DIP2C: variants seen among roughly 807,000 people sequenced by gnomAD.
DIP2C encodes DIP2 acetate--CoA ligase C (putative).
In DIP2C, 33 loss-of-function variants were observed where a neutral mutation model predicts 192.4. The ratio of observed to expected loss-of-function variants is 0.17; its 90% CI spans 0.13 to 0.23. The LOEUF (loss-of-function observed/expected upper bound fraction) is 0.23, where lower values mean the gene tolerates loss of function less well. Ranked by LOEUF, DIP2C falls within the 10% of genes least tolerant of loss-of-function variation. The pLI is 1.00. For missense variants in DIP2C, 1,537 were observed against 2,110.1 expected (o/e 0.73, Z 5.32); for synonymous variants, 979 against 864.1 (o/e 1.13, Z -2.33).
chr10:419,184 G>A lies in DIP2C; in HGVS notation c.620C>T (p.Pro207Leu). 6.2e-7 allele frequency: 1 copy of A among 1,614,226 alleles called. No homozygotes were observed. Among genetic ancestry groups the A allele is most frequent in the South Asian group, 1.1e-5 (1 of 91,078 alleles). Reference sequence around the variant, plus strand: ...TGAGGTGTACGTGGTTACGTCAGGAGGTGCAGAATGATTTTCTGTAAAGAA... The same window carrying A: ...TGAGGTGTACGTGGTTACGTCAGGAAGTGCAGAATGATTTTCTGTAAAGAA... ...AQTHIENHSA[P>L]PDVTTYTSEH... is the part of the protein sequence containing the mutation. Residue 207 changes from proline to leucine, a missense_variant, in exon 6 of 37, where the codon CCT becomes CTT. This residue lies in a region of DIP2C where 473 missense variants were observed against 539.6 expected (regional missense o/e 0.88). Transcript: ENST00000280886.
At chr10:574,603 A>C (rs1466483580) in intron 1 of DIP2C, among the ~76,000 whole-genome samples, 1 of 152,170 alleles carries the variant, frequency 6.6e-6, no homozygotes, top group African/African-American at 2.4e-5. Context: ...TCATGGGAAA[A>C]CCGAAACATA....
intron 3 of DIP2C, among the ~76,000 whole-genome samples, chr10:464,332 T>G (rs1247709097): frequency 6.6e-6 from 1 of 151,496 alleles, no homozygotes; most frequent in Non-Finnish European, 1.5e-5. Context: ...TGGACAAAGG[T>G]TATGAACAGA....
intron 1 of DIP2C, among the ~76,000 whole-genome samples, chr10:491,815 T>C (rs948899481): frequency 2.6e-5 from 4 of 152,166 alleles, no homozygotes; most frequent in African/African-American, 9.7e-5. Flanking sequence ...GACGTCCAAG[T>C]TGATGGGAGG....
intron 1 of DIP2C, among the ~76,000 whole-genome samples, chr10:637,907 C>T (rs1331811763): frequency 6.6e-6 from 1 of 152,152 alleles, no homozygotes; most frequent in Non-Finnish European, 1.5e-5. Flanking sequence ...AGAGTCAGTC[C>T]AGAGCTTAAC....
intron 1 of DIP2C, among the ~76,000 whole-genome samples, chr10:688,565 C>T (rs1246754474): frequency 6.6e-6 from 1 of 150,614 alleles, no homozygotes; most frequent in African/African-American, 2.5e-5. Context: ...CCGGCCCACC[C>T]CCACCCCACC....
In DIP2C at chr10:276,448, T is replaced by C. The variant is rs550196442; in HGVS notation, c.*877A>G. The C allele has an allele frequency of 6.5e-6, 1 of 152,796 alleles. No homozygotes were observed. Among genetic ancestry groups the C allele is most frequent in the South Asian group, 2.1e-4 (1 of 4,832 alleles). 9.5% of individuals were successfully genotyped at this position (152,796 alleles called of 1,614,324 possible). Reference sequence around the variant, plus strand: ...AAAATCTCCTTTGTTCATTAGTGAATTTATATTTCATATATATATATTTGT... The same window carrying C: ...AAAATCTCCTTTGTTCATTAGTGAACTTATATTTCATATATATATATTTGT... On this transcript the variant is annotated 3_prime_UTR_variant, in exon 37 of 37. Transcript: ENST00000280886.
chr10:546,124 T>TA (rs146699780), intron 1 of DIP2C, among the ~76,000 whole-genome samples: 2 of 151,620 alleles, frequency 1.3e-5, no homozygotes, highest in Non-Finnish European at 2.9e-5. Context: ...TCTACTAAAA[T>TA]AATAAAAATT....
At chr10:566,861 C>T (rs2131499188) in intron 1 of DIP2C, among the ~76,000 whole-genome samples, 1 of 152,358 alleles carries the variant, frequency 6.6e-6, no homozygotes, top group African/African-American at 2.4e-5. Context: ...AGAGACATCT[C>T]ATCCACAGCA....
Position 369,731 on chromosome 10 carries a change from G to A in DIP2C, c.1992-98C>T, listed in dbSNP as rs1960733790. On this transcript the variant is annotated intron_variant, in intron 17 of 36. Coordinates refer to ENST00000280886, the MANE Select transcript of DIP2C (RefSeq NM_014974.3). ...CACATGCGGCAGGCTGGGCACCTCT[G>A]GGCACAGTGCTGGCACCCCAGGCAC... The A allele has an allele frequency of 1.9e-6, 3 of 1,592,260 alleles. No individual in the cohort carries two copies. The African/African-American group carries it at 4.0e-5, about 21-fold the overall frequency.
chr10:614,904 G>GC lies in DIP2C; in HGVS notation c.85+74589dup, dbSNP rs1388169152. On this transcript the variant is annotated intron_variant, in intron 1 of 36. Coordinates refer to ENST00000280886, the MANE Select transcript of DIP2C (RefSeq NM_014974.3). ...GGTGTGCATGGGAAGAACTGGGTTG[G>GC]CCCTGACACAAGCGTGACCCCCATG... Among the ~76,000 whole-genome samples the GC allele has an allele frequency of 2.0e-5, 3 of 152,122 alleles. No individual in the cohort carries two copies. The East Asian group carries it at 5.8e-4, about 29-fold the overall frequency.
rs201147064 is a variant in DIP2C at position 578,906 on chromosome 10, CCA to C, written c.86-92378_86-92377del. On this transcript the variant is annotated intron_variant, in intron 1 of 36. Coordinates refer to ENST00000280886, the MANE Select transcript of DIP2C (RefSeq NM_014974.3). ...GCATAGAGCATACACACATCCAGAT[CCA>C]CAGTGTGTGCACATAGGCACACTGT... Among the ~76,000 whole-genome samples, 1,006 of 151,982 alleles carry C rather than the reference CCA, an allele frequency of 6.6e-3. 8 individuals carry two copies. The highest frequency in any genetic ancestry group is 0.021 in the African/African-American group (867 of 41,402).
At chr10:653,021 A>G (rs528634820) in intron 1 of DIP2C, among the ~76,000 whole-genome samples, 63 of 152,230 alleles carry the variant, frequency 4.1e-4, no homozygotes, top group African/African-American at 1.4e-3. Flanking sequence ...ACATTGTCCA[A>G]CAACACTTCA....
rs369116116 is a variant in DIP2C, at chr10:384,015, C to T, written c.1876+12G>A. The T allele has an allele frequency of 1.3e-6, 2 of 1,542,548 alleles. No homozygotes were observed. Among genetic ancestry groups the T allele is most frequent in the Non-Finnish European group, 1.7e-6 (2 of 1,152,936 alleles). On this transcript the variant is annotated intron_variant, in intron 16 of 36. Transcript: ENST00000280886. ...CCCGCCTGCCTCACGAGATCACACG[C>T]TCCTCACTTACAGGGGTTCGCGCCG...
chr10:313,770 A>G (rs1956660100), intron 31 of DIP2C, among the ~76,000 whole-genome samples: 1 of 152,246 alleles, frequency 6.6e-6, no homozygotes. Context: ...TATATCAATT[A>G]GGTATTAAGT....
At chr10:582,210 GGGCTAAGCCCTACC>G (rs1362973975) in intron 1 of DIP2C, among the ~76,000 whole-genome samples, 1 of 152,172 alleles carries the variant, frequency 6.6e-6, no homozygotes, top group Admixed American at 6.5e-5. Flanking sequence ...CTGCAGCCCA[GGGCTAAGCCCTACC>G]GGCCAGCACC....
In DIP2C at chr10:652,989, A is replaced by G. The variant is rs1856041507; in HGVS notation, c.85+36505T>C. On this transcript the variant is annotated intron_variant, in intron 1 of 36. Coordinates refer to ENST00000280886, the MANE Select transcript of DIP2C (RefSeq NM_014974.3). This position sits in a 1 kb window ranked among gnomAD's most constrained non-coding sequence, Gnocchi z 4.5. ...CATCTCAAGGTGCCCCACGTCCCCA[A>G]AGACCAAGGGGTCACAGCTCCACAT... Among the ~76,000 whole-genome samples the G allele has an allele frequency of 6.6e-6, 1 of 152,006 alleles. No homozygotes were observed. Among genetic ancestry groups the G allele is most frequent in the African/African-American group, 2.4e-5 (1 of 41,360 alleles).
intron 34 of DIP2C, 67 bp from the exon 35 acceptor site, chr10:283,513 T>TAC (rs1256755377): frequency 6.4e-7 from 1 of 1,562,976 alleles, no homozygotes; most frequent in African/African-American, 1.4e-5. Flanking sequence ...AGACTACAAC[T>TAC]ACTTTGACAA....
At chr10:293,767 TCCAAAACCACAA>T (rs1255145412) in intron 32 of DIP2C, among the ~76,000 whole-genome samples, 2 of 152,040 alleles carry the variant, frequency 1.3e-5, no homozygotes, top group Non-Finnish European at 2.9e-5. Flanking sequence ...TGTTCACACA[TCCAAAACCACAA>T]ACAAAACCAA....
chr10:497,454 C>T (rs1360037056), intron 1 of DIP2C, among the ~76,000 whole-genome samples: 1 of 152,202 alleles, frequency 6.6e-6, no homozygotes, highest in Non-Finnish European at 1.5e-5. Flanking sequence ...TCTCTGTTGA[C>T]CAACTTCACA....
Sources: allele counts gnomAD v4.1 joint callset (sites outside exome capture counted in the v4.1 genomes callset), GRCh38; gene constraint gnomAD v4.1.1; regional missense constraint gnomAD v4.1.1; non-coding constraint Gnocchi (gnomAD v3.1); transcripts MANE v1.5; gene names NCBI Gene and HGNC (gene_info 2026-07-23, HGNC 2026-07-21).